Variants in SNTG1 observed in about 807,000 individuals in gnomAD.
SNTG1 encodes the protein gamma-1-syntrophin.
Under a neutral mutation model 74.7 loss-of-function variants are expected in SNTG1, and 39 were observed. The observed-to-expected ratio is 0.52, with a 90% CI of 0.40 to 0.68. SNTG1 has a LOEUF of 0.68. Ranked by LOEUF, SNTG1 falls within the 30% of genes least tolerant of loss-of-function variation. The pLI is 0.00. For synonymous variants in SNTG1, 254 were observed against 217.1 expected (o/e 1.17, Z -1.49); for missense variants, 685 against 609.5 (o/e 1.12, Z -1.30).
intron 8 of SNTG1, among the ~76,000 whole-genome samples, chr8:50,483,896 C>T (rs562102045): frequency 6.6e-6 from 1 of 152,244 alleles, no homozygotes; most frequent in South Asian, 2.1e-4. Flanking sequence ...TTTTTCTTCA[C>T]AAATTCTACT....
At chr8:50,012,442 T>G (rs1160132379) in intron 1 of SNTG1, among the ~76,000 whole-genome samples, 2 of 152,216 alleles carry the variant, frequency 1.3e-5, no homozygotes, top group Non-Finnish European at 1.5e-5. Context: ...TTCATAATAC[T>G]AATCACTTAC....
intron 2 of SNTG1, among the ~76,000 whole-genome samples, chr8:50,256,449 A>G (rs1237207752): frequency 6.6e-6 from 1 of 151,914 alleles, no homozygotes; most frequent in African/African-American, 2.4e-5. Flanking sequence ...TCATAACACC[A>G]TTTATTAATG....
In SNTG1 at chr8:50,070,030, C is replaced by T. The variant is rs950878936; in HGVS notation, c.-102-102531C>T. On this transcript the variant is annotated intron_variant, in intron 1 of 18. Coordinates refer to ENST00000642720, the MANE Select transcript of SNTG1 (RefSeq NM_018967.5). ...TTGTGGGGCTGTATTGGCAGTAAAACACCCACGACACAGAGAACATTCAAT... is the reference window on the plus strand; with the variant it reads ...TTGTGGGGCTGTATTGGCAGTAAAATACCCACGACACAGAGAACATTCAAT... Among the ~76,000 whole-genome samples the T allele has an allele frequency of 7.2e-5, 11 of 152,192 alleles. No individual in the cohort carries two copies. In the East Asian group the frequency reaches 1.2e-3, roughly 16 times the overall value.
chr8:50,462,794 CTCTTTTTT>C (rs1361589854), intron 8 of SNTG1, among the ~76,000 whole-genome samples: 1,132 of 43,604 alleles, frequency 0.026, 378 homozygotes, highest in Non-Finnish European at 0.039. Context: ...TCAGGTTCTA[CTCTTTTTT>C]TTTTTTTTTT....
intron 2 of SNTG1, among the ~76,000 whole-genome samples, chr8:50,323,685 T>C (rs559172393): frequency 2.0e-5 from 3 of 152,122 alleles, no homozygotes; most frequent in Admixed American, 6.5e-5. Context: ...ACTAGGGATG[T>C]GGTGATGCAA....
intron 1 of SNTG1, among the ~76,000 whole-genome samples, chr8:50,085,956 C>A (rs1450865826): frequency 6.6e-6 from 1 of 152,062 alleles, no homozygotes; most frequent in Non-Finnish European, 1.5e-5. Context: ...CTGAGGACTG[C>A]TGGCGTAGCA....
rs1420848913 is a variant in SNTG1 at position 50,092,727 on chromosome 8, T to A, written c.-102-79834T>A. On this transcript the variant is annotated intron_variant, in intron 1 of 18. Coordinates refer to ENST00000642720, the MANE Select transcript of SNTG1 (RefSeq NM_018967.5). ...TATAATTCTTGCACATTGAATCACA[T>A]CTTAGCATTTGCTTCTCAGGAGACT... 5.9e-5 allele frequency among the ~76,000 whole-genome samples: 9 copies of A among 152,300 alleles called. 1 individual carries two copies. In the East Asian group the frequency reaches 1.7e-3, roughly 29 times the overall value.
At chr8:50,327,660 T>C (rs1055140234) in intron 2 of SNTG1, among the ~76,000 whole-genome samples, 2 of 152,184 alleles carry the variant, frequency 1.3e-5, no homozygotes, top group Non-Finnish European at 2.9e-5. Flanking sequence ...ATTATACTGG[T>C]TATTGATACC....
rs59032553 is a variant in SNTG1, at chr8:50,110,021, G to T, written c.-102-62540G>T. On this transcript the variant is annotated intron_variant, in intron 1 of 18. Coordinates refer to ENST00000642720, the MANE Select transcript of SNTG1 (RefSeq NM_018967.5). The stretch of plus-strand genomic sequence containing the variant: ...ATTCTCTCTTACTCTCTGTTGATAC[G>T]CATGTGCAAACCAGGAATTGGATAT... 8.4e-3 allele frequency among the ~76,000 whole-genome samples: 1,270 copies of T among 152,056 alleles called. 26 individuals carry two copies. The highest frequency in any genetic ancestry group is 0.029 in the African/African-American group (1,198 of 41,488).
At chr8:50,423,606 A>C (rs774100163) in intron 4 of SNTG1, among the ~76,000 whole-genome samples, 15 of 152,246 alleles carry the variant, frequency 9.9e-5, no homozygotes, top group Non-Finnish European at 1.6e-4. Flanking sequence ...TGACAGAGAG[A>C]TATTGTGGAT....
At chr8:49,947,647 G>T (rs1227281195) in intron 1 of SNTG1, among the ~76,000 whole-genome samples, 2 of 152,186 alleles carry the variant, frequency 1.3e-5, no homozygotes, top group Non-Finnish European at 2.9e-5. Flanking sequence ...GTTGTACATT[G>T]CTAGAAGACT....
chr8:50,473,595 G>T (rs2093670664), intron 8 of SNTG1, among the ~76,000 whole-genome samples: 1 of 152,170 alleles, frequency 6.6e-6, no homozygotes, highest in Admixed American at 6.5e-5. Flanking sequence ...GACGGCAGTT[G>T]TGAAGAGATG....
intron 15 of SNTG1, among the ~76,000 whole-genome samples, chr8:50,682,006 G>A (rs1470141409): frequency 6.6e-6 from 1 of 152,118 alleles, no homozygotes; most frequent in Non-Finnish European, 1.5e-5. Flanking sequence ...TGACACATCA[G>A]CAAAACATAT....
chr8:50,117,237 G>A (rs1461966618), intron 1 of SNTG1, among the ~76,000 whole-genome samples: 1 of 151,894 alleles, frequency 6.6e-6, no homozygotes, highest in Non-Finnish European at 1.5e-5. Context: ...TCCAGAGTGT[G>A]TGCACACAAT....
intron 13 of SNTG1, among the ~76,000 whole-genome samples, chr8:50,599,425 G>T (rs1585805595): frequency 6.6e-6 from 1 of 152,028 alleles, no homozygotes; most frequent in East Asian, 1.9e-4. Flanking sequence ...GTTAGGAATT[G>T]CATTGAGTCT....
chr8:50,270,665 T>C lies in SNTG1; in HGVS notation c.-28+98030T>C, dbSNP rs1000321336. Among the ~76,000 whole-genome samples the C allele has an allele frequency of 3.9e-5, 6 of 152,354 alleles. No individual in the cohort carries two copies. The East Asian group carries it at 1.2e-3, about 29-fold the overall frequency. ...ACTCCTATTCAGGTCTCTGTTGTCATTGCTTTGCATAGTACTTGGAACATA... is the reference window on the plus strand; with the variant it reads ...ACTCCTATTCAGGTCTCTGTTGTCACTGCTTTGCATAGTACTTGGAACATA... On this transcript the variant is annotated intron_variant, in intron 2 of 18. Transcript: ENST00000642720.
At chr8:50,671,686 A>G (rs1374627124) in intron 15 of SNTG1, among the ~76,000 whole-genome samples, 1 of 150,664 alleles carries the variant, frequency 6.6e-6, no homozygotes, top group African/African-American at 2.4e-5. Flanking sequence ...CAGCAATCCC[A>G]TTCCTAGGTA....
At chr8:50,688,166 A>G (rs1382073788) in intron 15 of SNTG1, among the ~76,000 whole-genome samples, 1 of 152,192 alleles carries the variant, frequency 6.6e-6, no homozygotes, top group Non-Finnish European at 1.5e-5. Context: ...GCCCTTTGTC[A>G]GATGAGTAGA....
chr8:50,072,337 T>A (rs1268878733), intron 1 of SNTG1, among the ~76,000 whole-genome samples: 1 of 152,216 alleles, frequency 6.6e-6, no homozygotes, highest in East Asian at 1.9e-4. Context: ...GTAATATTAT[T>A]TTTATGAGTG....
Sources: gnomAD v4.1 joint callset for allele counts (sites outside exome capture counted in the v4.1 genomes callset) on GRCh38, gnomAD v4.1.1 for gene constraint, MANE v1.5 for transcripts, NCBI Gene and HGNC (gene_info 2026-07-23, HGNC 2026-07-21) for gene names.